Variants in ADGRG7 observed in about 807,000 individuals in gnomAD.
ADGRG7 encodes the protein adhesion G protein-coupled receptor G7.
A neutral mutation model predicts 88.6 loss-of-function variants in ADGRG7; 82 were observed. The observed-to-expected ratio is 0.93, with a 90% CI of 0.77 to 1.11. ADGRG7 has a LOEUF of 1.11. Ranked by LOEUF, ADGRG7 falls within the 50% of genes most tolerant of loss-of-function variation. The pLI is 0.00. For synonymous variants in ADGRG7, 381 were observed against 345.2 expected (o/e 1.10, Z -1.15); for missense variants, 945 against 953.4 (o/e 0.99, Z 0.12).
At chr3:100,659,923 T>C in intron 14 of ADGRG7, 80 bp downstream of exon 14, 1 of 1,348,600 alleles carries the variant, frequency 7.4e-7, no homozygotes, top group Non-Finnish European at 1.0e-6. Flanking sequence ...ATCCACAGTT[T>C]CAGAAGCTTT....
At chr3:100,624,879 T>C (rs2149014890) in intron 1 of ADGRG7, among the ~76,000 whole-genome samples, 1 of 152,308 alleles carries the variant, frequency 6.6e-6, no homozygotes, top group South Asian at 2.1e-4. Context: ...GTCTCTGTTC[T>C]GTTCCATTGG....
rs564039266 is a variant in ADGRG7 at position 100,624,405 on chromosome 3, A to G, written c.116-5193A>G. Reference sequence around the variant, plus strand: ...ATAGGATTGTTTGTTTTTTTCTTGTAAATTTAAGTTCCTTGTAGATTCTGT... The same window carrying G: ...ATAGGATTGTTTGTTTTTTTCTTGTGAATTTAAGTTCCTTGTAGATTCTGT... On this transcript the variant is annotated intron_variant, in intron 1 of 15. Transcript: ENST00000273352. Among the ~76,000 whole-genome samples the G allele has an allele frequency of 9.8e-4, 149 of 152,044 alleles. 1 individual carries two copies. The highest frequency in any genetic ancestry group is 3.3e-3 in the African/African-American group (137 of 41,496).
At chr3:100,642,571 A>C (rs1707660717) in intron 6 of ADGRG7, among the ~76,000 whole-genome samples, 1 of 152,220 alleles carries the variant, frequency 6.6e-6, no homozygotes, top group South Asian at 2.1e-4. Context: ...TTGTTTGGTC[A>C]AGTACAGAAA....
At chr3:100,692,851 A>T (rs146927219) in intron 15 of ADGRG7, among the ~76,000 whole-genome samples, 1 of 152,182 alleles carries the variant, frequency 6.6e-6, no homozygotes, top group African/African-American at 2.4e-5. Flanking sequence ...ACTCAACCAG[A>T]ATCTACAGGC....
At chr3:100,666,488 C>T (rs955782066) in intron 14 of ADGRG7, among the ~76,000 whole-genome samples, 9 of 152,200 alleles carry the variant, frequency 5.9e-5, no homozygotes, top group Non-Finnish European at 1.3e-4. Flanking sequence ...CAATGCTTTA[C>T]GAAGCAGTAT....
chr3:100,657,466 G>A (rs1458513547), intron 13 of ADGRG7, among the ~76,000 whole-genome samples: 1 of 152,154 alleles, frequency 6.6e-6, no homozygotes, highest in East Asian at 1.9e-4. Context: ...GTGAATGTAG[G>A]GCAGGCCACA....
chr3:100,610,017 G>A, intron 1 of ADGRG7, 46 bp downstream of exon 1: 2 of 1,494,800 alleles, frequency 1.3e-6, no homozygotes, highest in Non-Finnish European at 1.9e-6. Context: ...AGAAGGTATG[G>A]GACCTCTGTC....
In ADGRG7 at chr3:100,646,000, A is replaced by G. The variant is rs1231646275; in HGVS notation, c.1002A>G (p.Ser334=). ...VVYQNDKLFQ[S]KTFTAKSDFS... ...ATCAAAATGACAAGCTTTTCCAATC[A>G]AAAACTTTTACAGCTAAATCGGATT... is the stretch of plus-strand genomic sequence containing the variant. The change falls in exon 9 of 16, where the codon TCA becomes TCG. Residue 334 remains serine (S), a synonymous_variant. Transcript: ENST00000273352. The G allele has an allele frequency of 3.1e-6, 5 of 1,613,988 alleles. No individual in the cohort carries two copies. Among genetic ancestry groups the G allele is most frequent in the Admixed American group, 3.3e-5 (2 of 59,994 alleles).
At chr3:100,638,635 G>A (rs777389804) in intron 6 of ADGRG7, among the ~76,000 whole-genome samples, 4 of 152,054 alleles carry the variant, frequency 2.6e-5, no homozygotes, top group Non-Finnish European at 5.9e-5. Context: ...ACTACTTTTG[G>A]CCTGAAGGTT....
At chr3:100,636,325 A>G (rs1286167334) in intron 5 of ADGRG7, among the ~76,000 whole-genome samples, 4 of 152,240 alleles carry the variant, frequency 2.6e-5, no homozygotes, top group South Asian at 2.1e-4. Flanking sequence ...TCCCTAGTGC[A>G]TTCCAAGTAA....
intron 15 of ADGRG7, among the ~76,000 whole-genome samples, chr3:100,673,850 C>T (rs1384983453): frequency 2.6e-5 from 4 of 151,802 alleles, no homozygotes; most frequent in Admixed American, 6.6e-5. Flanking sequence ...AAGGGTTTTT[C>T]GTGTCTCTAT....
intron 15 of ADGRG7, among the ~76,000 whole-genome samples, chr3:100,670,175 C>G (rs958948373): frequency 1.3e-5 from 2 of 152,100 alleles, no homozygotes; most frequent in African/African-American, 4.8e-5. Flanking sequence ...CCATTCCCAG[C>G]CTCTGGTAAC....
intron 15 of ADGRG7, among the ~76,000 whole-genome samples, chr3:100,686,083 G>T (rs1236977229): frequency 2.0e-5 from 3 of 151,624 alleles, no homozygotes; most frequent in Admixed American, 2.0e-4. Context: ...GGTGTGAGAT[G>T]GTATCTCATT....
At position 100,649,808 on chromosome 3, in the gene ADGRG7, G is replaced by A. The variant is rs772215833; in HGVS notation, c.1379+1G>A. The A allele has an allele frequency of 5.8e-6, 9 of 1,542,664 alleles. No homozygotes were observed. The South Asian group carries it at 1.0e-4, about 17-fold the overall frequency. ...CAGTTATATTTCAGATTGTCACCAG[G>A]TAAGAGCAGAAGCAGGCTCTTTTCA... On this transcript the variant is annotated splice_donor_variant, in intron 11 of 15. Coordinates refer to ENST00000273352, the MANE Select transcript of ADGRG7 (RefSeq NM_032787.3). LOFTEE classifies it high-confidence loss of function.
Position 100,695,161 on chromosome 3 carries a change from T to C in ADGRG7, c.*160T>C, listed in dbSNP as rs940172135. ...TGTTGTTTATTATTATTCGGCATAA[T>C]GGACTTGGTAGTTTTTCTATTTTTC... On this transcript the variant is annotated 3_prime_UTR_variant, in exon 16 of 16. Transcript: ENST00000273352. 5.8e-5 allele frequency: 41 copies of C among 704,080 alleles called. No individual in the cohort carries two copies. In the South Asian group the frequency reaches 7.9e-4, roughly 14 times the overall value. 43.6% of individuals were successfully genotyped at this position (704,080 alleles called of 1,614,324 possible).
chr3:100,686,581 G>C lies in ADGRG7; in HGVS notation c.2137-8163G>C, dbSNP rs181045217. On this transcript the variant is annotated intron_variant, in intron 15 of 15. Transcript: ENST00000273352. ...GGTATAAGGAAGGGATCCAGTTTCA[G>C]CTTTCTACATATGGCTAGCCAGTTT... Among the ~76,000 whole-genome samples, 523 of 152,306 alleles carry C rather than the reference G, an allele frequency of 3.4e-3. 4 individuals are homozygous for C. Among genetic ancestry groups the C allele is most frequent in the Non-Finnish European group, 5.0e-3 (340 of 68,024 alleles).
intron 10 of ADGRG7, among the ~76,000 whole-genome samples, chr3:100,647,514 C>T (rs1411658424): frequency 6.6e-6 from 1 of 152,182 alleles, no homozygotes; most frequent in African/African-American, 2.4e-5. Context: ...GTAATCCCTT[C>T]AATTTGTCCC....
Position 100,633,311 on chromosome 3 carries a change from A to G in ADGRG7, c.381A>G (p.Gly127=). 1.3e-6 allele frequency: 2 copies of G among 1,588,052 alleles called. No individual in the cohort carries two copies. The highest frequency in any genetic ancestry group is 1.4e-5 in the African/African-American group (1 of 73,534). The part of the protein sequence containing the change: ...AVRLCSLSLY[G]EIELQKVTIG... ...GGTTGTGCAGTCTCTCTCTATATGG[A>G]GAGATAGAATTACAAAAAGTGACAA... Residue 127 remains glycine, a synonymous_variant, in exon 4 of 16, where the codon GGA becomes GGG. Transcript: ENST00000273352.
intron 1 of ADGRG7, among the ~76,000 whole-genome samples, chr3:100,611,646 CTT>C (rs1195789545): frequency 2.6e-5 from 4 of 152,138 alleles, no homozygotes; most frequent in Non-Finnish European, 5.9e-5. Context: ...AAAAGAAAAA[CTT>C]TTCTCTTGTT....
Sources: allele counts gnomAD v4.1 joint callset (sites outside exome capture counted in the v4.1 genomes callset), GRCh38; gene constraint gnomAD v4.1.1; transcripts MANE v1.5; gene names NCBI Gene and HGNC (gene_info 2026-07-23, HGNC 2026-07-21).